The following VPS4A variants were observed in gnomAD, a reference collection of about 807,000 sequenced individuals.
VPS4A encodes the protein vacuolar protein sorting-associated protein 4A.
VPS4A carries 20 observed loss-of-function variants against 52.3 expected under a neutral mutation model. The observed-to-expected ratio is 0.38, with a 90% CI of 0.27 to 0.56. The LOEUF is 0.56. Ranked by LOEUF, VPS4A falls within the 20% of genes least tolerant of loss-of-function variation. The probability of loss-of-function intolerance (pLI) is 0.72; values close to 1 mark genes in which losing one functional copy is unlikely to be tolerated. For missense variants in VPS4A, 419 were observed against 575.9 expected, an observed-to-expected ratio of 0.73 and a Z score of 2.79; for synonymous variants, 293 against 227.7, an observed-to-expected ratio of 1.29 and a Z score of -2.58.
Position 69,311,429 on chromosome 16 carries a change from C to T in VPS4A, c.-83C>T. 1 of 1,220,864 alleles carries T rather than the reference C, an allele frequency of 8.2e-7. No individual in the cohort carries two copies. 75.6% of individuals were successfully genotyped at this position (1,220,864 alleles called of 1,614,324 possible). A position where few individuals can be genotyped will look rare whatever the true frequency, so the allele number is the denominator to read the frequency against. On this transcript the variant is annotated 5_prime_UTR_variant, in exon 1 of 11. Coordinates refer to ENST00000254950, the MANE Select transcript of VPS4A (RefSeq NM_013245.3). ...AGCGCCCACCGCCGGGCTTCCCGCGCCGGACCCAGTACCTCGGCTCCCCGG... is the reference window on the plus strand; with the variant it reads ...AGCGCCCACCGCCGGGCTTCCCGCGTCGGACCCAGTACCTCGGCTCCCCGG...
rs1965582175 is a variant in VPS4A at position 69,325,646 on chromosome 16, T to G, written c.*1337T>G. On this transcript the variant is annotated 3_prime_UTR_variant, in exon 11 of 11. Coordinates refer to ENST00000254950, the MANE Select transcript of VPS4A (RefSeq NM_013245.3). ...TACTTGGGAGGCTGAGGCAGGAGAA[T>G]GGCGTGAACCCGGGGGACGGAGCTT... 1 of 149,902 alleles carries G rather than the reference T, an allele frequency of 6.7e-6. No individual in the cohort carries two copies. Among genetic ancestry groups the G allele is most frequent in the Non-Finnish European group, 1.5e-5 (1 of 67,810 alleles). 9.3% of individuals were successfully genotyped at this position (149,902 alleles called of 1,614,324 possible). A position where few individuals can be genotyped will look rare whatever the true frequency, so the allele number is the denominator to read the frequency against.
chr16:69,321,120 C>G lies in VPS4A; in HGVS notation c.921C>G (p.Leu307=). The stretch of plus-strand genomic sequence containing the variant: ...GCGCCCAGATGTTCCGGTTGCATCT[C>G]GGGAGCACTCCCCACAACCTCACGG... ...AARAQMFRLH[L]GSTPHNLTDA... Residue 307 remains leucine (L), a synonymous_variant, in exon 9 of 11, where the codon CTC becomes CTG. Transcript: ENST00000254950. The surrounding 1 kb of genome is among the most constrained non-coding windows in gnomAD (Gnocchi z 4.5). 1 of 1,594,982 alleles carries G rather than the reference C, an allele frequency of 6.3e-7. No individual in the cohort carries two copies. The highest frequency in any genetic ancestry group is 1.3e-5 in the African/African-American group (1 of 74,396).
At position 69,311,400 on chromosome 16, in the gene VPS4A, G is replaced by C; in HGVS notation, c.-112G>C. ...AGCGGCCGCCCTGCCCGCGCACCGC[G>C]CTCAGCGCCCACCGCCGGGCTTCCC... On this transcript the variant is annotated 5_prime_UTR_variant, in exon 1 of 11. Transcript: ENST00000254950. 2 of 1,164,818 alleles carry C rather than the reference G, an allele frequency of 1.7e-6. No homozygotes were observed. The highest frequency in any genetic ancestry group is 2.2e-6 in the Non-Finnish European group (2 of 922,064). The allele number at this position is 1,164,818 out of a possible 1,614,324, so 72.2% of individuals were successfully genotyped here.
At chr16:69,317,954 A>C (rs1314433838) in intron 3 of VPS4A, among the ~76,000 whole-genome samples, 1 of 108,772 alleles carries the variant, frequency 9.2e-6, no homozygotes, top group Non-Finnish European at 1.9e-5. Context: ...GCACCATCTC[A>C]AAAAAAAAAA....
intron 1 of VPS4A, among the ~76,000 whole-genome samples, chr16:69,313,812 T>C (rs1401396699): frequency 2.6e-5 from 4 of 152,060 alleles, no homozygotes; most frequent in Non-Finnish European, 1.5e-5. Context: ...CAGCCCCCAT[T>C]AGCACTCTTT....
chr16:69,318,073 T>A (rs1196056478), intron 3 of VPS4A, among the ~76,000 whole-genome samples: 6 of 150,618 alleles, frequency 4.0e-5, no homozygotes, highest in African/African-American at 1.5e-4. Flanking sequence ...AGTGGTGCGA[T>A]CTTGGTTAAC....
rs1965502040 is a variant in VPS4A at position 69,320,939 on chromosome 16, G to A, written c.852-112G>A. 1.6e-6 allele frequency: 2 copies of A among 1,267,306 alleles called. No homozygotes were observed. The highest frequency in any genetic ancestry group is 2.2e-6 in the Non-Finnish European group (2 of 901,506). The allele number at this position is 1,267,306 out of a possible 1,614,324, so 78.5% of individuals were successfully genotyped here. A position where few individuals can be genotyped will look rare whatever the true frequency, so the allele number is the denominator to read the frequency against. On this transcript the variant is annotated intron_variant, in intron 8 of 10. Transcript: ENST00000254950. This position sits in a 1 kb window ranked among gnomAD's most constrained non-coding sequence, Gnocchi z 4.2. Reference sequence around the variant, plus strand: ...CTGGCTTGTTGAGGATGTGCCGCCAGCATCACTGGCCCATGAAATGCGTCC... The same window carrying A: ...CTGGCTTGTTGAGGATGTGCCGCCAACATCACTGGCCCATGAAATGCGTCC...
chr16:69,324,565 C>CT lies in VPS4A; in HGVS notation c.*257dup, dbSNP rs1965559981. The CT allele has an allele frequency of 4.4e-6, 2 of 452,302 alleles. No homozygotes were observed. The highest frequency in any genetic ancestry group is 8.1e-6 in the Non-Finnish European group (2 of 247,296). The allele number at this position is 452,302 out of a possible 1,614,324, so 28.0% of individuals were successfully genotyped here. A position where few individuals can be genotyped will look rare whatever the true frequency, so the allele number is the denominator to read the frequency against. Reference sequence around the variant, plus strand: ...CTGGATGCTCATCAGCTCCTTCTGCCTCCCCCCCTTTTTTTTCCATCTTTT... The same window carrying CT: ...CTGGATGCTCATCAGCTCCTTCTGCCTTCCCCCCCTTTTTTTTCCATCTTTT... On this transcript the variant is annotated 3_prime_UTR_variant, in exon 11 of 11. Transcript: ENST00000254950.
chr16:69,322,128 TA>T, intron 9 of VPS4A: 1 of 167,166 alleles, frequency 6.0e-6, no homozygotes, highest in Non-Finnish European at 1.3e-5. Context: ...AAACCCCTGA[TA>T]AACCCATCAG....
At position 69,311,524 on chromosome 16, in the gene VPS4A, A is replaced by G; in HGVS notation, c.13A>G (p.Thr5Ala). 1 of 1,355,378 alleles carries G rather than the reference A, an allele frequency of 7.4e-7. No homozygotes were observed. The highest frequency in any genetic ancestry group is 1.9e-4 in the Middle Eastern group (1 of 5,156). 84.0% of individuals were successfully genotyped at this position (1,355,378 alleles called of 1,614,324 possible). Residue 5 changes from threonine to alanine, a missense_variant, in exon 1 of 11, where the codon ACC becomes GCC. Transcript: ENST00000254950. ...CCCAGGAGATGAAATGACAACGTCA[A>G]CCCTCCAGGTACTTCGTGCGGCCCG... MTTS[T>A]LQKAIDLVTK...
Position 69,320,335 on chromosome 16 carries a change from G to A in VPS4A, c.769+46G>A. 6.3e-7 allele frequency: 1 copy of A among 1,599,576 alleles called. No homozygotes were observed. Among genetic ancestry groups the A allele is most frequent in the Non-Finnish European group, 8.6e-7 (1 of 1,169,456 alleles). ...CCCCTTGGTTCTTGTTGCACCTGAAGCCAACCCTGGGCTTTATTCTGAGCT... is the reference window on the plus strand; with the variant it reads ...CCCCTTGGTTCTTGTTGCACCTGAAACCAACCCTGGGCTTTATTCTGAGCT... On this transcript the variant is annotated intron_variant, in intron 7 of 10. Transcript: ENST00000254950. This position sits in a 1 kb window ranked among gnomAD's most constrained non-coding sequence, Gnocchi z 4.2.
Position 69,321,151 on chromosome 16 carries a change from A to G in VPS4A, c.952A>G (p.Asn318Asp), listed in dbSNP as rs1472869139. ...GSTPHNLTDA[N>D]IHELARKTEG... is the part of the protein sequence containing the mutation. ...CACTCCCCACAACCTCACGGATGCAAACATCCACGAGCTGGCCCGGAAGAC... is the reference window on the plus strand; with the variant it reads ...CACTCCCCACAACCTCACGGATGCAGACATCCACGAGCTGGCCCGGAAGAC... The change falls in exon 9 of 11, where the codon AAC (asparagine) becomes GAC (aspartate). Residue 318 changes from asparagine (N) to aspartate (D), a missense_variant. Asn to Asp is a conservative substitution (Grantham distance 23). Coordinates refer to ENST00000254950, the MANE Select transcript of VPS4A (RefSeq NM_013245.3). The surrounding 1 kb of genome is among the most constrained non-coding windows in gnomAD (Gnocchi z 4.5). 3 of 1,585,310 alleles carry G rather than the reference A, an allele frequency of 1.9e-6. No homozygotes were observed. In the East Asian group the frequency reaches 7.0e-5, roughly 37 times the overall value.
chr16:69,314,865 G>A (rs1965417120), intron 1 of VPS4A, among the ~76,000 whole-genome samples: 1 of 152,164 alleles, frequency 6.6e-6, no homozygotes, highest in South Asian at 2.1e-4. Flanking sequence ...CCGGATCTGA[G>A]GAGGAGAATT....
chr16:69,316,094 G>T lies in VPS4A; in HGVS notation c.108G>T (p.Val36=), dbSNP rs1965432397. ...CGCTGCGGCTGTACCAGCATGCGGT[G>T]GAGTACTTCCTCCACGCTATCAAGT... ...EEALRLYQHA[V]EYFLHAIKYE... The change falls in exon 2 of 11, where the codon GTG becomes GTT. Residue 36 remains valine (V), a synonymous_variant. Coordinates refer to ENST00000254950, the MANE Select transcript of VPS4A (RefSeq NM_013245.3). The T allele has an allele frequency of 1.2e-6, 2 of 1,613,480 alleles. No individual in the cohort carries two copies. The highest frequency in any genetic ancestry group is 1.7e-6 in the Non-Finnish European group (2 of 1,179,888).
chr16:69,321,268 A>G lies in VPS4A; in HGVS notation c.1069A>G (p.Lys357Glu). 6.4e-7 allele frequency: 1 copy of G among 1,552,036 alleles called. No homozygotes were observed. Among genetic ancestry groups the G allele is most frequent in the Non-Finnish European group, 8.7e-7 (1 of 1,147,922 alleles). Residue 357 changes from lysine to glutamate, a missense_variant and splice_region_variant, in exon 9 of 11, where the codon AAG becomes GAG. Around this residue, in one of 3 missense-constraint regions of VPS4A, gnomAD observed 185 missense variants for 200.2 expected, o/e 0.92. Coordinates refer to ENST00000254950, the MANE Select transcript of VPS4A (RefSeq NM_013245.3). The surrounding 1 kb of genome is among the most constrained non-coding windows in gnomAD (Gnocchi z 4.5). ...RKVQSATHFK[K>E]VCGPSRTNPS... ...GGTGCAGTCGGCCACACACTTCAAA[A>G]AGGTGAGTGCCCGCGGCCACTGCTG...
intron 1 of VPS4A, among the ~76,000 whole-genome samples, chr16:69,314,356 A>G (rs1017116662): frequency 7.9e-5 from 12 of 152,134 alleles, no homozygotes; most frequent in Non-Finnish European, 1.2e-4. Flanking sequence ...GAATACCTTC[A>G]GTATTGTTCT....
chr16:69,322,286 TA>T, intron 9 of VPS4A: 1 of 302,720 alleles, frequency 3.3e-6, no homozygotes, highest in East Asian at 6.2e-5. Context: ...GGGGCACAGC[TA>T]AACCATATCA....
Position 69,312,464 on chromosome 16 carries a change from CAGGT to C in VPS4A, c.21+933_21+936del, listed in dbSNP as rs562840608. On this transcript the variant is annotated intron_variant, in intron 1 of 10. Coordinates refer to ENST00000254950, the MANE Select transcript of VPS4A (RefSeq NM_013245.3). ...GCAGACATGGAATGAGTTGGGGTAC[CAGGT>C]TAGGAATTAAGAGTCCATAGCCAGA... Among the ~76,000 whole-genome samples, 31 of 152,160 alleles carry C rather than the reference CAGGT, an allele frequency of 2.0e-4. No individual in the cohort carries two copies. The East Asian group carries it at 4.2e-3, about 21-fold the overall frequency.
At position 69,315,936 on chromosome 16, in the gene VPS4A, C is replaced by T. The variant is rs143685426; in HGVS notation, c.22-72C>T. 3.8e-3 allele frequency: 5,030 copies of T among 1,327,572 alleles called. 22 individuals are homozygous for T. The highest frequency in any genetic ancestry group is 0.013 in the South Asian group (1,064 of 81,344). 82.2% of individuals were successfully genotyped at this position (1,327,572 alleles called of 1,614,324 possible). A position where few individuals can be genotyped will look rare whatever the true frequency, so the allele number is the denominator to read the frequency against. ...AGCGGCATCCCTCGTCACGTTTCAT[C>T]CCCATGCCTGTGACCCCAGGGACTT... On this transcript the variant is annotated intron_variant, in intron 1 of 10. Coordinates refer to ENST00000254950, the MANE Select transcript of VPS4A (RefSeq NM_013245.3).
Sources: gnomAD v4.1 joint callset for allele counts (sites outside exome capture counted in the v4.1 genomes callset) on GRCh38, gnomAD v4.1.1 for gene constraint, gnomAD v4.1.1 regional missense constraint, Gnocchi (gnomAD v3.1) non-coding constraint, MANE v1.5 for transcripts, NCBI Gene and HGNC (gene_info 2026-07-23, HGNC 2026-07-21) for gene names.